Variants in ZNF385D observed in about 807,000 individuals in gnomAD.
ZNF385D encodes zinc finger protein 659.
A neutral mutation model predicts 35.8 loss-of-function variants in ZNF385D; 15 were observed. That is an observed-to-expected ratio of 0.42 (90% confidence interval 0.28 to 0.64). The LOEUF (loss-of-function observed/expected upper bound fraction) is 0.64. ZNF385D is among the 30% of genes least tolerant of loss of function. The pLI is 0.23. For missense variants in ZNF385D, 474 were observed against 494.6 expected (o/e 0.96, Z 0.39); for synonymous variants, 212 against 186.8 (o/e 1.13, Z -1.10).
intron 3 of ZNF385D, among the ~76,000 whole-genome samples, chr3:22,005,844 G>T (rs9860571): frequency 0.024 from 3,613 of 152,098 alleles, 150 homozygotes; most frequent in African/African-American, 0.081. Flanking sequence ...GTAGAAATGT[G>T]AATGAGCTTT....
intron 3 of ZNF385D, among the ~76,000 whole-genome samples, chr3:21,518,406 CAAGG>C (rs1365909909): frequency 9.2e-5 from 14 of 152,078 alleles, no homozygotes; most frequent in Non-Finnish European, 1.9e-4. Context: ...CTTTTCTCTC[CAAGG>C]TAATTATTGT....
chr3:21,998,315 T>C (rs977214555), intron 3 of ZNF385D, among the ~76,000 whole-genome samples: 27 of 152,210 alleles, frequency 1.8e-4, no homozygotes, highest in African/African-American at 6.5e-4. Context: ...GGTGCTCTAA[T>C]ACATTTGGTT....
At chr3:22,312,940 G>A (rs1442539247) in intron 2 of ZNF385D, among the ~76,000 whole-genome samples, 1 of 137,260 alleles carries the variant, frequency 7.3e-6, no homozygotes. Flanking sequence ...CTGCTATAAA[G>A]ACACATGCAC....
chr3:22,168,833 C>T (rs913527433), exon 3 of ZNF385D: 16 of 985,674 alleles, frequency 1.6e-5, no homozygotes, highest in African/African-American at 7.0e-5. Flanking sequence ...CATTTTTCAG[C>T]GTCCCATTGC....
rs112485307 is a variant in ZNF385D, at chr3:21,880,021, TA to T, written c.326-214994del. Among the ~76,000 whole-genome samples, 699 of 152,092 alleles carry T rather than the reference TA, an allele frequency of 4.6e-3. 6 individuals carry two copies. Among genetic ancestry groups the T allele is most frequent in the African/African-American group, 0.016 (669 of 41,532 alleles). On this transcript the variant is annotated intron_variant, in intron 3 of 5. Coordinates refer to the ZNF385D transcript ENST00000494108. Reference sequence around the variant, plus strand: ...CATCATTAAAGCTAATAAATGCAATTATTTTTTAAATATGTAAAAATACTAT... The same window carrying T: ...CATCATTAAAGCTAATAAATGCAATTTTTTTTAAATATGTAAAAATACTAT...
At chr3:21,571,046 C>T (rs6762855) in intron 2 of ZNF385D, among the ~76,000 whole-genome samples, 30,526 of 152,016 alleles carry the variant, frequency 0.2, 3,857 homozygotes, top group Non-Finnish European at 0.28. Context: ...AAAGTACATA[C>T]ATTTTAAGTG....
At chr3:21,671,599 A>G (rs1242576686) in intron 1 of ZNF385D, among the ~76,000 whole-genome samples, 1 of 152,180 alleles carries the variant, frequency 6.6e-6, no homozygotes, top group African/African-American at 2.4e-5. Flanking sequence ...AACAACTCTA[A>G]TGATTTTTAA....
chr3:22,211,827 C>T (rs1360908354), intron 2 of ZNF385D, among the ~76,000 whole-genome samples: 3 of 151,876 alleles, frequency 2.0e-5, no homozygotes, highest in Admixed American at 6.6e-5. Flanking sequence ...ATAAATTACC[C>T]GATATACTTC....
chr3:22,331,095 C>T (rs1694914376), intron 2 of ZNF385D, among the ~76,000 whole-genome samples: 1 of 152,144 alleles, frequency 6.6e-6, no homozygotes, highest in Non-Finnish European at 1.5e-5. Flanking sequence ...ACGTGTAAGT[C>T]CTCTGTTCTA....
chr3:21,586,948 G>T (rs1233622811), intron 2 of ZNF385D, among the ~76,000 whole-genome samples: 11 of 152,196 alleles, frequency 7.2e-5, no homozygotes, highest in Non-Finnish European at 1.6e-4. Context: ...CTTCAAATGA[G>T]TGATAATATT....
At chr3:21,763,645 C>A (rs563001546) in intron 3 of ZNF385D, among the ~76,000 whole-genome samples, 4 of 152,036 alleles carry the variant, frequency 2.6e-5, no homozygotes, top group African/African-American at 9.7e-5. Flanking sequence ...ATAAATAAAA[C>A]AATAAAGTGC....
At position 22,079,370 on chromosome 3, in the gene ZNF385D, A is replaced by G. The variant is rs767697158; in HGVS notation, c.325+89447T>C. 5.3e-5 allele frequency among the ~76,000 whole-genome samples: 8 copies of G among 152,118 alleles called. No individual in the cohort carries two copies. The South Asian group carries it at 8.3e-4, about 16-fold the overall frequency. On this transcript the variant is annotated intron_variant, in intron 3 of 5. Transcript: ENST00000494108. ...AATAAATAAATTACATGATTACAAC[A>G]TTAATTATATAATTAATATAAAAAT...
chr3:21,972,473 T>TA (rs1347750388), intron 3 of ZNF385D, among the ~76,000 whole-genome samples: 17 of 151,864 alleles, frequency 1.1e-4, no homozygotes, highest in Admixed American at 5.9e-4. Context: ...AGTGCCTATA[T>TA]AAAAAAAGTG....
At chr3:21,670,120 T>C (rs2066518779) in intron 1 of ZNF385D, among the ~76,000 whole-genome samples, 1 of 152,152 alleles carries the variant, frequency 6.6e-6, no homozygotes, top group South Asian at 2.1e-4. Flanking sequence ...ATGGAGAATT[T>C]CGTGCATCAT....
At chr3:21,908,632 T>G (rs543447865) in intron 3 of ZNF385D, among the ~76,000 whole-genome samples, 30 of 152,100 alleles carry the variant, frequency 2.0e-4, no homozygotes, top group South Asian at 6.2e-4. Flanking sequence ...AACCTGTAAG[T>G]CAGGACTTTT....
intron 3 of ZNF385D, among the ~76,000 whole-genome samples, chr3:22,047,143 T>G (rs1699052169): frequency 6.6e-6 from 1 of 152,142 alleles, no homozygotes; most frequent in Non-Finnish European, 1.5e-5. Flanking sequence ...TACACATGTA[T>G]GGTGCACAAC....
chr3:21,824,452 TTCTC>T (rs1005656865), intron 3 of ZNF385D, among the ~76,000 whole-genome samples: 7 of 151,950 alleles, frequency 4.6e-5, no homozygotes, highest in African/African-American at 1.5e-4. Flanking sequence ...GTCTCTCCCT[TTCTC>T]TCTCACACAC....
At chr3:22,110,577 G>A (rs1702467439) in intron 3 of ZNF385D, among the ~76,000 whole-genome samples, 1 of 150,266 alleles carries the variant, frequency 6.7e-6, no homozygotes, top group African/African-American at 2.4e-5. Context: ...TCATAGATGG[G>A]AATTGAACAA....
chr3:21,694,600 G>C, intron 1 of ZNF385D, among the ~76,000 whole-genome samples: 1 of 152,140 alleles, frequency 6.6e-6, no homozygotes, highest in African/African-American at 2.4e-5. Context: ...AAAACAAAGA[G>C]AAATCAGAAT....
Sources: gnomAD v4.1 joint callset for allele counts (sites outside exome capture counted in the v4.1 genomes callset) on GRCh38, gnomAD v4.1.1 for gene constraint, MANE v1.5 for transcripts, NCBI Gene and HGNC (gene_info 2026-07-23, HGNC 2026-07-21) for gene names.